Variants in SYNRG observed in about 807,000 individuals in gnomAD.
SYNRG encodes synergin gamma, also known as AP1 gamma subunit binding protein 1.
SYNRG carries 37 observed loss-of-function variants against 130.9 expected under a neutral mutation model. The observed-to-expected ratio is 0.28, with a 90% CI of 0.22 to 0.37. SYNRG has a LOEUF of 0.37. Ranked by LOEUF, SYNRG falls within the 10% of genes least tolerant of loss-of-function variation. The pLI is 1.00. For synonymous variants in SYNRG, 539 were observed against 568.1 expected, an observed-to-expected ratio of 0.95 and a Z score of 0.73; for missense variants, 1,338 against 1,588.9, an observed-to-expected ratio of 0.84 and a Z score of 2.68.
chr17:37,565,486 C>T (rs1462350571), intron 11 of SYNRG, among the ~76,000 whole-genome samples: 1 of 151,618 alleles, frequency 6.6e-6, no homozygotes, highest in Non-Finnish European at 1.5e-5. Flanking sequence ...AAGTGAGGAG[C>T]GTCTCTGCCT....
intron 8 of SYNRG, among the ~76,000 whole-genome samples, chr17:37,575,165 G>T (rs1332840517): frequency 6.6e-6 from 1 of 151,902 alleles, no homozygotes; most frequent in Non-Finnish European, 1.5e-5. Context: ...GGGTAGTGGT[G>T]GGGGGGAATA....
intron 6 of SYNRG, chr17:37,579,224 C>G: frequency 7.9e-7 from 1 of 1,273,746 alleles, no homozygotes; most frequent in Non-Finnish European, 1.0e-6. Context: ...TGGACTCTGA[C>G]TTGGAGGGAG....
intron 2 of SYNRG, among the ~76,000 whole-genome samples, chr17:37,600,084 T>G (rs1428997525): frequency 6.6e-6 from 1 of 152,240 alleles, no homozygotes; most frequent in Non-Finnish European, 1.5e-5. Flanking sequence ...TTAACATTCT[T>G]GTCCTAAAAG....
chr17:37,597,557 AAGAAATGTTATTCTTCTTCCTTT>A lies in SYNRG; in HGVS notation c.119-1236_119-1214del, dbSNP rs1238204739. Among the ~76,000 whole-genome samples, 7 of 152,338 alleles carry A rather than the reference AAGAAATGTTATTCTTCTTCCTTT, an allele frequency of 4.6e-5. No individual in the cohort carries two copies. In the South Asian group the frequency reaches 1.5e-3, roughly 32 times the overall value. On this transcript the variant is annotated intron_variant, in intron 2 of 21. Transcript: ENST00000612223. ...AACTGTTTAATACTTACTATGCTCA[AAGAAATGTTATTCTTCTTCCTTT>A]TTCTTACATGAATAGGTAATATAAC...
At chr17:37,596,543 C>T (rs1313355286) in intron 2 of SYNRG, among the ~76,000 whole-genome samples, 199 bp from the exon 3 acceptor site, 1 of 152,166 alleles carries the variant, frequency 6.6e-6, no homozygotes, top group Non-Finnish European at 1.5e-5. Context: ...AGTTACAAAA[C>T]TTCATCTGTA....
At chr17:37,593,961 T>C (rs1446968462) in intron 3 of SYNRG, among the ~76,000 whole-genome samples, 2 of 151,940 alleles carry the variant, frequency 1.3e-5, no homozygotes, top group Admixed American at 6.6e-5. Context: ...AAAAAGACTT[T>C]GGCTGCTTTG....
intron 3 of SYNRG, among the ~76,000 whole-genome samples, chr17:37,588,204 C>CA (rs900523960): frequency 4.0e-5 from 6 of 150,068 alleles, no homozygotes; most frequent in African/African-American, 1.5e-4. Context: ...TATGCTTATA[C>CA]AAAAACCACT....
rs2054400392 is a variant in SYNRG, at chr17:37,516,027, C to G, written c.*2913G>C. ...GAAAATATCCTCATATATCCAGTAC[C>G]TCTTCTATCTCAAGCATGTCCAGAC... On this transcript the variant is annotated 3_prime_UTR_variant, in exon 22 of 22. Coordinates refer to ENST00000612223, the MANE Select transcript of SYNRG (RefSeq NM_007247.6). 1 of 152,108 alleles carries G rather than the reference C, an allele frequency of 6.6e-6. No homozygotes were observed. Among genetic ancestry groups the G allele is most frequent in the Non-Finnish European group, 1.5e-5 (1 of 68,022 alleles). The allele number at this position is 152,108 out of a possible 1,614,324, so 9.4% of individuals were successfully genotyped here.
intron 19 of SYNRG, among the ~76,000 whole-genome samples, chr17:37,531,099 G>A (rs567377810): frequency 4.7e-4 from 72 of 152,272 alleles, no homozygotes; most frequent in African/African-American, 1.7e-3. Context: ...GCCAGGCATG[G>A]TGGTGCATGC....
chr17:37,586,322 G>T, intron 4 of SYNRG, 97 bp downstream of exon 4: 1 of 1,520,620 alleles, frequency 6.6e-7, no homozygotes, highest in Non-Finnish European at 8.9e-7. Flanking sequence ...ACTTTTGACT[G>T]TTTTAGTTTC....
At chr17:37,539,703 T>C (rs963572970) in intron 16 of SYNRG, among the ~76,000 whole-genome samples, 1 of 152,246 alleles carries the variant, frequency 6.6e-6, no homozygotes, top group Admixed American at 6.5e-5. Context: ...CTAATAACTA[T>C]GTTAAATTAC....
At chr17:37,546,908 T>G (rs1369243119) in intron 14 of SYNRG, among the ~76,000 whole-genome samples, 2 of 152,204 alleles carry the variant, frequency 1.3e-5, no homozygotes, top group Non-Finnish European at 2.9e-5. Flanking sequence ...CTCTCTACCC[T>G]GGGCCCTAAT....
At chr17:37,579,893 T>C (rs1382511817) in intron 6 of SYNRG, among the ~76,000 whole-genome samples, 1 of 152,070 alleles carries the variant, frequency 6.6e-6, no homozygotes, top group Non-Finnish European at 1.5e-5. Flanking sequence ...CCTTTCTTTT[T>C]TTTTTTCATA....
intron 14 of SYNRG, among the ~76,000 whole-genome samples, chr17:37,552,518 G>A (rs2058785814): frequency 6.6e-6 from 1 of 152,110 alleles, no homozygotes; most frequent in Non-Finnish European, 1.5e-5. Context: ...AACAGCTCCT[G>A]GATTCCACTG....
chr17:37,542,100 C>T lies in SYNRG; in HGVS notation c.3074G>A (p.Gly1025Glu). ...ETPNECSDDFGEFQSEKPKIS... is the reference protein window; with the variant it reads ...ETPNECSDDFEEFQSEKPKIS... ...TTTGGGCTTTTCACTTTGAAACTCTCCAAAGTCATCCGAACATTCGTTCGG... is the reference window on the plus strand; with the variant it reads ...TTTGGGCTTTTCACTTTGAAACTCTTCAAAGTCATCCGAACATTCGTTCGG... The change falls in exon 15 of 22, where the codon GGA (glycine) becomes GAA (glutamate). Residue 1025 changes from glycine to glutamate, a missense_variant. This residue lies in a region of SYNRG where 1,146 missense variants were observed against 1,342.3 expected (regional missense o/e 0.85). Coordinates refer to ENST00000612223, the MANE Select transcript of SYNRG (RefSeq NM_007247.6). 1.9e-6 allele frequency: 3 copies of T among 1,614,202 alleles called. No homozygotes were observed. Among genetic ancestry groups the T allele is most frequent in the Non-Finnish European group, 2.5e-6 (3 of 1,180,046 alleles).
At chr17:37,565,346 A>G (rs1172876038) in intron 11 of SYNRG, among the ~76,000 whole-genome samples, 1 of 151,724 alleles carries the variant, frequency 6.6e-6, no homozygotes, top group African/African-American at 2.4e-5. Flanking sequence ...GCTGCAAAGT[A>G]TCAATGGTGC....
In SYNRG at chr17:37,542,151, G is replaced by C. The variant is rs772660477; in HGVS notation, c.3023C>G (p.Ala1008Gly). 6.2e-6 allele frequency: 10 copies of C among 1,614,076 alleles called. No individual in the cohort carries two copies. The African/African-American group carries it at 1.3e-4, about 22-fold the overall frequency. ...RSQEATCPSP[A>G]SSGASQETPN... ...GGTTTCTTGAGAGGCACCACTGGAC[G>C]CTGGGCTGGGACACGTGGCCTCCTG... Residue 1008 changes from alanine (A) to glycine (G), a missense_variant, in exon 15 of 22, where the codon GCG becomes GGG. By Grantham distance (60) the Ala-to-Gly change is moderately conservative. Coordinates refer to ENST00000612223, the MANE Select transcript of SYNRG (RefSeq NM_007247.6).
chr17:37,580,998 G>T (rs762054041), intron 6 of SYNRG, among the ~76,000 whole-genome samples: 1 of 152,064 alleles, frequency 6.6e-6, no homozygotes, highest in African/African-American at 2.4e-5. Context: ...ACATTATTAA[G>T]GTGATATTTT....
rs373324531 is a variant in SYNRG, at chr17:37,542,528, G to A, written c.2646C>T (p.Tyr882=). The A allele has an allele frequency of 4.3e-6, 7 of 1,612,384 alleles. No homozygotes were observed. Among genetic ancestry groups the A allele is most frequent in the African/African-American group, 1.3e-5 (1 of 74,894 alleles). The change falls in exon 15 of 22, where the codon TAC becomes TAT. Residue 882 remains tyrosine, a synonymous_variant. Coordinates refer to ENST00000612223, the MANE Select transcript of SYNRG (RefSeq NM_007247.6). ...GTGTGCTCACTGCAAAATTGCTACTGTAGCTTCCAAAAGCAGCATATTTTA... is the reference window on the plus strand; with the variant it reads ...GTGTGCTCACTGCAAAATTGCTACTATAGCTTCCAAAAGCAGCATATTTTA... ...EDLKYAAFGS[Y]SSNFAVSTLT...
Sources: gnomAD v4.1 joint callset for allele counts (sites outside exome capture counted in the v4.1 genomes callset) on GRCh38, gnomAD v4.1.1 for gene constraint, gnomAD v4.1.1 regional missense constraint, MANE v1.5 for transcripts, NCBI Gene and HGNC (gene_info 2026-07-23, HGNC 2026-07-21) for gene names.